The following CABCOCO1 variants were observed in gnomAD, a reference collection of about 807,000 sequenced individuals.
CABCOCO1 encodes ciliary-associated calcium-binding coiled-coil protein 1.
A neutral mutation model predicts 35.7 loss-of-function variants in CABCOCO1; 28 were observed. The ratio of observed to expected loss-of-function variants is 0.78; its 90% CI spans 0.58 to 1.07. CABCOCO1 has a LOEUF of 1.07. CABCOCO1 is among the 50% of genes least tolerant of loss of function. The pLI is 0.00. For synonymous variants in CABCOCO1, 95 were observed against 100.1 expected, an observed-to-expected ratio of 0.95 and a Z score of 0.30; for missense variants, 326 against 309.2, an observed-to-expected ratio of 1.05 and a Z score of -0.41.
At chr10:61,761,405 G>A (rs1006478239) in intron 7 of CABCOCO1, among the ~76,000 whole-genome samples, 3 of 151,998 alleles carry the variant, frequency 2.0e-5, no homozygotes, top group Non-Finnish European at 4.4e-5. Flanking sequence ...TCAGATCTTT[G>A]AACTGCCTCT....
Position 61,664,799 on chromosome 10 carries a change from C to A in CABCOCO1, c.60+1767C>A, listed in dbSNP as rs143307498. On this transcript the variant is annotated intron_variant, in intron 1 of 7. Transcript: ENST00000648843. ...GTGTCATTCATTAAAACAAGTCCTG[C>A]CTGCCACCCATTTGTGCTGATTGGG... 1.6e-3 allele frequency among the ~76,000 whole-genome samples: 246 copies of A among 152,268 alleles called. 1 individual carries two copies. Among genetic ancestry groups the A allele is most frequent in the African/African-American group, 5.6e-3 (233 of 41,548 alleles).
At chr10:61,750,445 G>A (rs959856414) in intron 5 of CABCOCO1, among the ~76,000 whole-genome samples, 14 of 152,172 alleles carry the variant, frequency 9.2e-5, no homozygotes, top group Middle Eastern at 3.4e-3. Flanking sequence ...GCGTGGTGGC[G>A]GGTACCTGTA....
intron 5 of CABCOCO1, among the ~76,000 whole-genome samples, chr10:61,738,676 G>A (rs1841479609): frequency 6.6e-6 from 1 of 151,978 alleles, no homozygotes. Flanking sequence ...AAATATTATT[G>A]TAGTCTACAT....
intron 5 of CABCOCO1, among the ~76,000 whole-genome samples, chr10:61,720,917 C>CTTTTTTTTTTTGTTTTTTTTTTT (rs1840993565): frequency 1.5e-5 from 1 of 65,974 alleles, no homozygotes; most frequent in Non-Finnish European, 3.0e-5. Context: ...TCTTTTCATT[C>CTTTTTTTTTTTGTTTTTTTTTTT]TTTTTTTTTT....
intron 5 of CABCOCO1, among the ~76,000 whole-genome samples, chr10:61,720,917 CTTTTTTTTTTTT>C (rs71018996): frequency 1.5e-5 from 1 of 65,974 alleles, no homozygotes. Flanking sequence ...TCTTTTCATT[CTTTTTTTTTTTT>C]TTTTTTTTTT....
chr10:61,745,488 C>T (rs1841636319), intron 5 of CABCOCO1, among the ~76,000 whole-genome samples: 2 of 152,144 alleles, frequency 1.3e-5, no homozygotes, highest in Admixed American at 6.6e-5. Context: ...CAGGGACTCA[C>T]CCAACAGTTC....
At chr10:61,671,419 C>T (rs1291734645) in intron 1 of CABCOCO1, among the ~76,000 whole-genome samples, 1 of 152,118 alleles carries the variant, frequency 6.6e-6, no homozygotes, top group Non-Finnish European at 1.5e-5. Context: ...AAACTAGACT[C>T]TATTCACAGG....
intron 5 of CABCOCO1, among the ~76,000 whole-genome samples, chr10:61,739,638 A>G (rs1003616354): frequency 7.2e-5 from 11 of 152,152 alleles, no homozygotes; most frequent in African/African-American, 2.4e-4. Context: ...AGCAACGGTA[A>G]TGGAAAGGAA....
chr10:61,695,854 G>A (rs1840280319), intron 5 of CABCOCO1, among the ~76,000 whole-genome samples: 1 of 152,002 alleles, frequency 6.6e-6, no homozygotes, highest in Non-Finnish European at 1.5e-5. Flanking sequence ...CAGACAATAT[G>A]AGGATTTTAA....
intron 1 of CABCOCO1, among the ~76,000 whole-genome samples, chr10:61,666,945 ATAT>A (rs35456310): frequency 0.11 from 15,815 of 141,864 alleles, 1,160 homozygotes; most frequent in African/African-American, 0.18. Flanking sequence ...ATATAATTAT[ATAT>A]TATGTATAAA....
At chr10:61,696,459 G>T (rs1235425176) in intron 5 of CABCOCO1, among the ~76,000 whole-genome samples, 1 of 152,012 alleles carries the variant, frequency 6.6e-6, no homozygotes, top group Non-Finnish European at 1.5e-5. Context: ...TTAAGTCACT[G>T]GGAGAAAACA....
chr10:61,747,516 G>A (rs1841688803), intron 5 of CABCOCO1, among the ~76,000 whole-genome samples: 1 of 152,050 alleles, frequency 6.6e-6, no homozygotes, highest in African/African-American at 2.4e-5. Context: ...ATATGTTAAG[G>A]CTTAATTGTA....
intron 5 of CABCOCO1, among the ~76,000 whole-genome samples, chr10:61,713,186 C>T (rs1840774249): frequency 6.6e-6 from 1 of 152,070 alleles, no homozygotes; most frequent in Admixed American, 6.5e-5. Context: ...TTTTGTTGAG[C>T]AGTGGTTTGT....
intron 5 of CABCOCO1, among the ~76,000 whole-genome samples, chr10:61,719,203 A>G (rs1840939154): frequency 6.6e-6 from 1 of 152,206 alleles, no homozygotes; most frequent in South Asian, 2.1e-4. Context: ...TGAGTCTTAG[A>G]AAAACAAATT....
intron 5 of CABCOCO1, among the ~76,000 whole-genome samples, chr10:61,738,073 G>C (rs1412044302): frequency 7.2e-6 from 1 of 138,754 alleles, no homozygotes; most frequent in South Asian, 2.4e-4. Context: ...AAAAAACAAA[G>C]ACACCTCCCC....
At chr10:61,680,488 CATATT>C (rs1839697093) in intron 2 of CABCOCO1, among the ~76,000 whole-genome samples, 1 of 129,650 alleles carries the variant, frequency 7.7e-6, no homozygotes, top group Non-Finnish European at 1.6e-5. Flanking sequence ...ATATATATAA[CATATT>C]ATATGTTATA....
chr10:61,700,637 A>T (rs1840423856), intron 5 of CABCOCO1, among the ~76,000 whole-genome samples: 1 of 152,014 alleles, frequency 6.6e-6, no homozygotes, highest in Non-Finnish European at 1.5e-5. Context: ...TGAGCCAAGG[A>T]TTGTCCTTCA....
chr10:61,682,896 T>C (rs867970409), intron 3 of CABCOCO1, among the ~76,000 whole-genome samples: 1 of 148,536 alleles, frequency 6.7e-6, no homozygotes, highest in Admixed American at 6.7e-5. Flanking sequence ...TTTCTTTTTT[T>C]TTTTTTTTAA....
chr10:61,746,337 T>C (rs1169275285), intron 5 of CABCOCO1, among the ~76,000 whole-genome samples: 1 of 152,188 alleles, frequency 6.6e-6, no homozygotes, highest in Non-Finnish European at 1.5e-5. Context: ...ATATAATGAC[T>C]CATTATGATT....
Sources: gnomAD v4.1 joint callset for allele counts (sites outside exome capture counted in the v4.1 genomes callset) on GRCh38, gnomAD v4.1.1 for gene constraint, MANE v1.5 for transcripts, NCBI Gene and HGNC (gene_info 2026-07-23, HGNC 2026-07-21) for gene names.